The following CIAO3 variants were observed in gnomAD, a reference collection of about 807,000 sequenced individuals.
CIAO3 encodes cytosolic iron-sulfur assembly component 3, also known as LET1 like/JFP15.
In CIAO3, 45 loss-of-function variants were observed where a neutral mutation model predicts 51.5. The observed-to-expected ratio is 0.87, with a 90% CI of 0.69 to 1.12. The LOEUF (loss-of-function observed/expected upper bound fraction) is 1.12. CIAO3 is among the 50% of genes most tolerant of loss of function. The pLI, the probability that CIAO3 is intolerant of heterozygous loss-of-function variation, is 0.00. For missense variants in CIAO3, 668 were observed against 632.5 expected (o/e 1.06, Z -0.60); for synonymous variants, 314 against 269.3 (o/e 1.17, Z -1.63).
chr16:740,634 A>C, intron 1 of CIAO3: 1 of 495,810 alleles, frequency 2.0e-6, no homozygotes, highest in Non-Finnish European at 3.6e-6. Flanking sequence ...GGCCGGCGCG[A>C]GCCCGCGACC....
In CIAO3 at chr16:734,352, G is replaced by A; in HGVS notation, c.575-5C>T. The A allele has an allele frequency of 5.0e-6, 8 of 1,603,626 alleles. No individual in the cohort carries two copies. The highest frequency in any genetic ancestry group is 6.8e-6 in the Non-Finnish European group (8 of 1,175,452). ...TCTCGGCATAGCAGATCCAGCCTGA[G>A]GTGACAGGGGGCACACGGGGCTGGC... On this transcript the variant is annotated splice_polypyrimidine_tract_variant and splice_region_variant and intron_variant, in intron 5 of 10. Transcript: ENST00000251588.
chr16:737,282 G>A lies in CIAO3; in HGVS notation c.210C>T (p.Asp70=). The A allele has an allele frequency of 1.2e-6, 2 of 1,613,472 alleles. No homozygotes were observed. The highest frequency in any genetic ancestry group is 1.7e-6 in the Non-Finnish European group (2 of 1,180,022). ...RLEKAKVSLN[D]CLACSGCITS... ...TGATGCAGCCGCTGCACGCCAGGCA[G>A]TCGTTTAGCGAGACCTTGGCCTTCT... The change falls in exon 3 of 11, where the codon GAC becomes GAT. Residue 70 remains aspartate, a synonymous_variant. Coordinates refer to ENST00000251588, the MANE Select transcript of CIAO3 (RefSeq NM_022493.3). The surrounding 1 kb of genome is among the most constrained non-coding windows in gnomAD (Gnocchi z 5.3).
rs2041253802 is a variant in CIAO3 at position 729,990 on chromosome 16, T to A, written c.*427A>T. 1 of 340,324 alleles carries A rather than the reference T, an allele frequency of 2.9e-6. No individual in the cohort carries two copies. Among genetic ancestry groups the A allele is most frequent in the African/African-American group, 2.2e-5 (1 of 46,128 alleles). The allele number at this position is 340,324 out of a possible 1,614,324, so 21.1% of individuals were successfully genotyped here. On this transcript the variant is annotated 3_prime_UTR_variant, in exon 11 of 11. Coordinates refer to ENST00000251588, the MANE Select transcript of CIAO3 (RefSeq NM_022493.3). ...CCACCCCTGCAGGTCCAGCTCTGTCTCCCACCTTTTGCACAGAGCTTCAAG... is the reference window on the plus strand; with the variant it reads ...CCACCCCTGCAGGTCCAGCTCTGTCACCCACCTTTTGCACAGAGCTTCAAG...
At chr16:740,886 G>A (rs1480379330) in intron 1 of CIAO3, 34 bp downstream of exon 1, 2 of 1,519,860 alleles carry the variant, frequency 1.3e-6, no homozygotes, top group African/African-American at 1.4e-5. Context: ...GGCACCGAGC[G>A]CAGCCTCGAC....
intron 2 of CIAO3, chr16:738,049 C>T: frequency 2.8e-6 from 3 of 1,083,968 alleles, no homozygotes; most frequent in South Asian, 5.0e-5. Flanking sequence ...GCCCAGCTCT[C>T]TGCTAGGCCT....
intron 9 of CIAO3, 95 bp downstream of exon 9, chr16:731,470 C>G: frequency 2.1e-6 from 3 of 1,425,116 alleles, no homozygotes; most frequent in Non-Finnish European, 1.8e-6. Flanking sequence ...CCACCCAGCC[C>G]ACCTCTGTGG....
At chr16:733,748 C>T (rs2041308531) in intron 6 of CIAO3, 1 of 407,144 alleles carries the variant, frequency 2.5e-6, no homozygotes, top group South Asian at 2.2e-5. Context: ...ACGGGGGAAC[C>T]AACCAGCTCC....
intron 2 of CIAO3, chr16:738,304 C>T (rs533340905): frequency 7.1e-5 from 70 of 984,876 alleles, no homozygotes; most frequent in South Asian, 1.4e-4. Context: ...ATCAGGCAGA[C>T]GTTTTTTAGA....
rs760071538 is a variant in CIAO3 at position 732,294 on chromosome 16, T to C, written c.896+7A>G. 1.9e-6 allele frequency: 3 copies of C among 1,606,582 alleles called. No homozygotes were observed. The African/African-American group carries it at 4.0e-5, about 21-fold the overall frequency. On this transcript the variant is annotated splice_region_variant and intron_variant, in intron 8 of 10. Transcript: ENST00000251588. ...AAATAACAGTTCTTGGTGGCAGACA[T>C]ACGTACAGGCTGTCCAGAGGGGCTG...
rs766170341 is a variant in CIAO3, at chr16:739,680, C to T, written c.125G>A (p.Arg42His). The T allele has an allele frequency of 9.3e-6, 15 of 1,614,136 alleles. No homozygotes were observed. In the East Asian group the frequency reaches 2.2e-4, roughly 24 times the overall value. ...GAAGTAGCTCCCGTCATCTTCAATG[C>T]GAATCTTGGCCACGCCACTTCCCGC... ...KRAGSGVAKIRIEDDGSYFQI... is the reference protein window; with the variant it reads ...KRAGSGVAKIHIEDDGSYFQI... The change falls in exon 2 of 11, where the codon CGC becomes CAC. Residue 42 changes from arginine (R) to histidine (H), a missense_variant. By Grantham distance (29) the Arg-to-His change is conservative. Coordinates refer to ENST00000251588, the MANE Select transcript of CIAO3 (RefSeq NM_022493.3).
At position 736,253 on chromosome 16, in the gene CIAO3, G is replaced by A. The variant is rs771012233; in HGVS notation, c.439+13C>T. 11 of 1,612,338 alleles carry A rather than the reference G, an allele frequency of 6.8e-6. No homozygotes were observed. Among genetic ancestry groups the A allele is most frequent in the East Asian group, 2.2e-5 (1 of 44,854 alleles). ...ATTTGGAGCGGCAGTGTTACCCCAGGTTCAAAGCCTACCTATTTTTTTAAA... is the reference window on the plus strand; with the variant it reads ...ATTTGGAGCGGCAGTGTTACCCCAGATTCAAAGCCTACCTATTTTTTTAAA... On this transcript the variant is annotated intron_variant, in intron 4 of 10. Transcript: ENST00000251588.
chr16:733,956 G>T (rs2041311761), intron 6 of CIAO3: 2 of 461,986 alleles, frequency 4.3e-6, no homozygotes, highest in Non-Finnish European at 8.0e-6. Flanking sequence ...CGGAGGGGTG[G>T]GCTCCAGGCC....
rs2041255834 is a variant in CIAO3, at chr16:730,112, A to AGCAGCAGCAAGG, written c.*293_*304dup. 1 of 497,932 alleles carries AGCAGCAGCAAGG rather than the reference A, an allele frequency of 2.0e-6. No individual in the cohort carries two copies. The highest frequency in any genetic ancestry group is 3.6e-5 in the East Asian group (1 of 27,812). 30.8% of individuals were successfully genotyped at this position (497,932 alleles called of 1,614,324 possible). On this transcript the variant is annotated 3_prime_UTR_variant, in exon 11 of 11. Transcript: ENST00000251588. ...CCCTCACGCACTTGGGTGCCCGACC[A>AGCAGCAGCAAGG]GCAGCAGCAAGGGCAGCACCTGTGG...
Position 730,440 on chromosome 16 carries a change from T to C in CIAO3, c.1408A>G (p.Thr470Ala), listed in dbSNP as rs1040932450. 3.1e-6 allele frequency: 5 copies of C among 1,603,880 alleles called. No individual in the cohort carries two copies. The highest frequency in any genetic ancestry group is 4.2e-6 in the Non-Finnish European group (5 of 1,179,910). Reference sequence around the variant, plus strand: ...CCCTACCACCGGATGCCCAGGCCAGTGCTGGCCTTCTCCACGGCGTGGTAC... The same window carrying C: ...CCCTACCACCGGATGCCCAGGCCAGCGCTGGCCTTCTCCACGGCGTGGTAC... The part of the protein sequence containing the change: ...TQYHAVEKAS[T>A]GLGIRW Residue 470 changes from threonine (T) to alanine (A), a missense_variant, in exon 11 of 11, where the codon ACT becomes GCT. By Grantham distance (58) the Thr-to-Ala change is moderately conservative. Coordinates refer to ENST00000251588, the MANE Select transcript of CIAO3 (RefSeq NM_022493.3).
In CIAO3 at chr16:734,759, G is replaced by A. The variant is rs368919224; in HGVS notation, c.552C>T (p.Pro184=). Residue 184 remains proline, a synonymous_variant, in exon 5 of 11, where the codon CCC becomes CCT. Coordinates refer to ENST00000251588, the MANE Select transcript of CIAO3 (RefSeq NM_022493.3). The part of the protein sequence containing the change: ...RGQADCRQAL[P]LLASACPGWI... ...CACCTGGGCAGGCAGAGGCCAGCAG[G>A]GGCAGCGCCTGTCTGCAGTCGGCCT... 4.3e-6 allele frequency: 7 copies of A among 1,612,104 alleles called. No individual in the cohort carries two copies. In the East Asian group the frequency reaches 8.9e-5, roughly 21 times the overall value.
chr16:733,017 G>T, intron 7 of CIAO3: 1 of 431,998 alleles, frequency 2.3e-6, no homozygotes, highest in Non-Finnish European at 4.3e-6. Flanking sequence ...GAGCTGAAGA[G>T]GCTGCATTCG....
intron 1 of CIAO3, chr16:740,173 C>A: frequency 5.7e-6 from 7 of 1,227,386 alleles, no homozygotes; most frequent in Non-Finnish European, 6.4e-6. Context: ...CCTTGAGAAC[C>A]CTGGCAGCCC....
In CIAO3 at chr16:733,758, C is replaced by T. The variant is rs1303374785; in HGVS notation, c.694-331G>A. The T allele has an allele frequency of 1.5e-5, 6 of 398,640 alleles. No homozygotes were observed. In the East Asian group the frequency reaches 3.4e-4, roughly 23 times the overall value. 24.7% of individuals were successfully genotyped at this position (398,640 alleles called of 1,614,324 possible). On this transcript the variant is annotated intron_variant, in intron 6 of 10. Transcript: ENST00000251588. ...ATGTCACGGGGGAACCAACCAGCTCCAGCCCCGGGTGAAAATCCGCGTGCA... is the reference window on the plus strand; with the variant it reads ...ATGTCACGGGGGAACCAACCAGCTCTAGCCCCGGGTGAAAATCCGCGTGCA...
Position 730,409 on chromosome 16 carries a change from T to C in CIAO3, c.*8A>G. The C allele has an allele frequency of 6.3e-7, 1 of 1,599,134 alleles. No homozygotes were observed. The highest frequency in any genetic ancestry group is 8.5e-7 in the Non-Finnish European group (1 of 1,178,720). On this transcript the variant is annotated 3_prime_UTR_variant, in exon 11 of 11. Transcript: ENST00000251588. ...CACGGCCTCCTGGGAGTCCTGGTCC[T>C]GCAGCCCCTACCACCGGATGCCCAG... is the stretch of plus-strand genomic sequence containing the variant.
Sources: gnomAD v4.1 joint callset for allele counts on GRCh38, gnomAD v4.1.1 for gene constraint, Gnocchi (gnomAD v3.1) non-coding constraint, MANE v1.5 for transcripts, NCBI Gene and HGNC (gene_info 2026-07-23, HGNC 2026-07-21) for gene names.